NEMF: variants seen among roughly 807,000 people sequenced by gnomAD.
NEMF encodes ribosome quality control complex subunit NEMF.
In NEMF, 89 loss-of-function variants were observed where a neutral mutation model predicts 162.2. That is an observed-to-expected ratio of 0.55 (90% confidence interval 0.46 to 0.65). The LOEUF is 0.65. Ranked by LOEUF, NEMF falls within the 30% of genes least tolerant of loss-of-function variation. The probability of loss-of-function intolerance (pLI) is 0.00; values close to 1 mark genes in which losing one functional copy is unlikely to be tolerated. For missense variants in NEMF, 1,133 were observed against 1,261.9 expected, an observed-to-expected ratio of 0.90 and a Z score of 1.55; for synonymous variants, 421 against 404.5, an observed-to-expected ratio of 1.04 and a Z score of -0.49.
intron 15 of NEMF, among the ~76,000 whole-genome samples, 164 bp from the exon 16 acceptor site, chr14:49,826,119 GAAGA>G (rs1258490086): frequency 6.6e-6 from 1 of 151,928 alleles, no homozygotes; most frequent in African/African-American, 2.4e-5. Flanking sequence ...TGAAAGTAAT[GAAGA>G]AATGAAAATA....
chr14:49,801,731 T>A (rs1890965744), intron 22 of NEMF, among the ~76,000 whole-genome samples: 1 of 152,188 alleles, frequency 6.6e-6, no homozygotes, highest in Non-Finnish European at 1.5e-5. Flanking sequence ...AATTGCTCTC[T>A]ACTTGAAACA....
At chr14:49,838,741 C>T (rs567838808) in intron 5 of NEMF, among the ~76,000 whole-genome samples, 76 of 151,742 alleles carry the variant, frequency 5.0e-4, no homozygotes, top group Admixed American at 7.9e-4. Flanking sequence ...CCCGCCACCA[C>T]GCCCGGCTAA....
chr14:49,826,186 T>C (rs1040042952), intron 15 of NEMF, among the ~76,000 whole-genome samples: 3 of 151,992 alleles, frequency 2.0e-5, no homozygotes, highest in Non-Finnish European at 4.4e-5. Context: ...TACATGAAAA[T>C]ATTTGCCCAA....
intron 6 of NEMF, among the ~76,000 whole-genome samples, chr14:49,837,586 C>A (rs1004454779): frequency 1.3e-5 from 2 of 152,078 alleles, no homozygotes; most frequent in African/African-American, 4.8e-5. Context: ...ATACTAACAG[C>A]TGGAAAGTTC....
chr14:49,849,266 T>C (rs866622116), intron 3 of NEMF, among the ~76,000 whole-genome samples: 1 of 152,202 alleles, frequency 6.6e-6, no homozygotes, highest in Admixed American at 6.5e-5. Flanking sequence ...AAAGGCATCA[T>C]TGAAAGGACA....
rs538797157 is a variant in NEMF at position 49,844,171 on chromosome 14, T to C, written c.357+1969A>G. The stretch of plus-strand genomic sequence containing the variant: ...CCTTTGGCACCAGGGACCAGTTTCA[T>C]GGAAGACAATTTTTCCATGGATGGG... On this transcript the variant is annotated intron_variant, in intron 4 of 32. Coordinates refer to ENST00000298310, the MANE Select transcript of NEMF (RefSeq NM_004713.6). Among the ~76,000 whole-genome samples, 8 of 151,398 alleles carry C rather than the reference T, an allele frequency of 5.3e-5. No individual in the cohort carries two copies. In the East Asian group the frequency reaches 5.8e-4, roughly 11 times the overall value.
At chr14:49,798,437 T>A (rs1890791306) in intron 25 of NEMF, among the ~76,000 whole-genome samples, 3 of 152,234 alleles carry the variant, frequency 2.0e-5, no homozygotes, top group African/African-American at 7.2e-5. Context: ...CAGTTTACAT[T>A]TATTTTAACG....
Position 49,829,337 on chromosome 14 carries a change from C to T in NEMF, c.1023+12G>A. The T allele has an allele frequency of 1.2e-6, 2 of 1,613,914 alleles. No individual in the cohort carries two copies. The highest frequency in any genetic ancestry group is 1.7e-6 in the Non-Finnish European group (2 of 1,179,842). On this transcript the variant is annotated intron_variant, in intron 12 of 32. Transcript: ENST00000298310. ...ATTTTTGAAAAAGCACTGAGAAAGC[C>T]AAACATAATACCTGAGCCTGCTGAA... is the stretch of plus-strand genomic sequence containing the variant.
chr14:49,824,106 G>A (rs1892221360), intron 16 of NEMF, among the ~76,000 whole-genome samples: 1 of 152,068 alleles, frequency 6.6e-6, no homozygotes, highest in Non-Finnish European at 1.5e-5. Context: ...GGAAGCGGAG[G>A]TTGCAGTGAG....
intron 4 of NEMF, among the ~76,000 whole-genome samples, chr14:49,843,259 T>C (rs549051171): frequency 9.3e-5 from 14 of 150,316 alleles, no homozygotes; most frequent in African/African-American, 2.7e-4. Flanking sequence ...CCTTAGGAGG[T>C]TGAGATGGGA....
chr14:49,786,642 A>C, intron 29 of NEMF, 76 bp downstream of exon 29: 3 of 1,402,154 alleles, frequency 2.1e-6, no homozygotes, highest in Non-Finnish European at 3.0e-6. Flanking sequence ...AAGTTTTAAT[A>C]AGTTGTGTTT....
intron 16 of NEMF, among the ~76,000 whole-genome samples, chr14:49,824,062 C>T (rs550431479): frequency 4.2e-4 from 64 of 152,038 alleles, no homozygotes; most frequent in African/African-American, 1.4e-3. Context: ...CCCAGCTACT[C>T]GGGAGGCTGA....
chr14:49,846,223 G>GT lies in NEMF; in HGVS notation c.273dup (p.Gln92ThrfsTer6). 1 of 1,613,690 alleles carries GT rather than the reference G, an allele frequency of 6.2e-7. No individual in the cohort carries two copies. Among genetic ancestry groups the GT allele is most frequent in the Non-Finnish European group, 8.5e-7 (1 of 1,179,804 alleles). ...TCTACAATTCTATCCACACCAAGCTGTTTTGCACTGACTAATCTCCGACTC... is the reference window on the plus strand; with the variant it reads ...TCTACAATTCTATCCACACCAAGCTGTTTTTGCACTGACTAATCTCCGACTC... On this transcript the variant is annotated frameshift_variant, in exon 4 of 33. Transcript: ENST00000298310. LOFTEE classifies it high-confidence loss of function.
intron 6 of NEMF, among the ~76,000 whole-genome samples, chr14:49,835,345 ATGC>A (rs1303237549): frequency 4.6e-5 from 7 of 152,368 alleles, no homozygotes; most frequent in African/African-American, 1.7e-4. Flanking sequence ...TATCCCTGGA[ATGC>A]AAGGTTGGTT....
At chr14:49,797,373 C>T (rs1230544743) in intron 25 of NEMF, 1 of 151,680 alleles carries the variant, frequency 6.6e-6, no homozygotes, top group Non-Finnish European at 1.5e-5. Flanking sequence ...TGGCTCACAC[C>T]TGTAATCCAG....
intron 16 of NEMF, among the ~76,000 whole-genome samples, chr14:49,819,362 A>G (rs1345505823): frequency 6.6e-6 from 1 of 151,062 alleles, no homozygotes; most frequent in Non-Finnish European, 1.5e-5. Flanking sequence ...TTCATTATGC[A>G]TATGTATATA....
At chr14:49,798,012 G>C (rs1379281846) in intron 25 of NEMF, among the ~76,000 whole-genome samples, 4 of 152,178 alleles carry the variant, frequency 2.6e-5, no homozygotes, top group Admixed American at 2.0e-4. Context: ...GCATGAATGA[G>C]TGCAGGTATG....
intron 22 of NEMF, chr14:49,801,283 T>C (rs1414189915): frequency 1.3e-5 from 2 of 151,924 alleles, no homozygotes; most frequent in African/African-American, 2.4e-5. Context: ...AGGTCAGGAG[T>C]ACAAGACCAG....
intron 11 of NEMF, 94 bp from the exon 12 acceptor site, chr14:49,829,520 T>C (rs527946548): frequency 7.5e-4 from 759 of 1,008,072 alleles, no homozygotes; most frequent in Non-Finnish European, 1.0e-3. Context: ...CCTGACCCCA[T>C]CTATGCTGTT....
Sources: allele counts gnomAD v4.1 joint callset (sites outside exome capture counted in the v4.1 genomes callset), GRCh38; gene constraint gnomAD v4.1.1; transcripts MANE v1.5; gene names NCBI Gene and HGNC (gene_info 2026-07-23, HGNC 2026-07-21).